Variants in SPTBN1 observed in about 807,000 individuals in gnomAD.
SPTBN1 encodes spectrin beta, non-erythrocytic 1.
A neutral mutation model predicts 266.4 loss-of-function variants in SPTBN1; 32 were observed. The ratio of observed to expected loss-of-function variants is 0.12; its 90% confidence interval spans 0.09 to 0.16. The LOEUF (loss-of-function observed/expected upper bound fraction) is 0.16, where lower values mean the gene tolerates loss of function less well. Among genes scored for constraint, SPTBN1 ranks in the 10% least tolerant of loss-of-function variants. The probability of loss-of-function intolerance (pLI) is 1.00; values close to 1 mark genes in which losing one functional copy is unlikely to be tolerated. For missense variants in SPTBN1, 2,296 were observed against 3,067.1 expected, an observed-to-expected ratio of 0.75 and a Z score of 5.94; for synonymous variants, 1,336 against 1,162.2, an observed-to-expected ratio of 1.15 and a Z score of -3.04.
At chr2:54,557,915 G>T in intron 2 of SPTBN1, 1 of 985,354 alleles carries the variant, frequency 1.0e-6, no homozygotes, top group Non-Finnish European at 1.2e-6. Context: ...CCGCCGCCGC[G>T]TGGTTGGCGC....
At chr2:54,560,814 C>CT in intron 2 of SPTBN1, among the ~76,000 whole-genome samples, 1 of 152,276 alleles carries the variant, frequency 6.6e-6, no homozygotes, top group East Asian at 1.9e-4. Flanking sequence ...GGTGAATTAA[C>CT]TTTCAAGTAT....
rs56043354 is a variant in SPTBN1 at position 54,471,800 on chromosome 2, A to AT, written c.-48+15301dup. On this transcript the variant is annotated intron_variant, in intron 1 of 35. Transcript: ENST00000356805. ...AGAGGTGCTTTCCTCTTTTTTATCG[A>AT]TTTTTTTTTTTTTTTTTTTGCTGTT... Among the ~76,000 whole-genome samples, 425 of 102,706 alleles carry AT rather than the reference A, an allele frequency of 4.1e-3. 9 individuals carry two copies. Among genetic ancestry groups the AT allele is most frequent in the African/African-American group, 0.013 (363 of 27,270 alleles). The allele number at this position is 102,706 out of a possible 152,430, so 67.4% of individuals were successfully genotyped here. A position where few individuals can be genotyped will look rare whatever the true frequency, so the allele number is the denominator to read the frequency against.
intron 2 of SPTBN1, among the ~76,000 whole-genome samples, chr2:54,545,930 T>A (rs1672210981): frequency 6.6e-6 from 1 of 152,160 alleles, no homozygotes; most frequent in Admixed American, 6.6e-5. Context: ...TGTGTATTGG[T>A]ACAGGGATGA....
At chr2:54,652,885 CTTT>C (rs1680390310) in intron 26 of SPTBN1, 2 of 150,338 alleles carry the variant, frequency 1.3e-5, no homozygotes, top group Non-Finnish European at 2.9e-5. Context: ...TCTTTTCTTT[CTTT>C]CTTTCTTTCT....
chr2:54,490,991 G>A (rs371841144), intron 1 of SPTBN1, among the ~76,000 whole-genome samples: 1 of 152,170 alleles, frequency 6.6e-6, no homozygotes, highest in Non-Finnish European at 1.5e-5. Context: ...AGTGAGGAGG[G>A]TGGTGAAACA....
intron 2 of SPTBN1, among the ~76,000 whole-genome samples, chr2:54,530,902 C>G (rs1398348758): frequency 6.6e-6 from 1 of 152,050 alleles, no homozygotes; most frequent in Non-Finnish European, 1.5e-5. Flanking sequence ...GGGATAGTCT[C>G]CCATCCCTAG....
intron 2 of SPTBN1, among the ~76,000 whole-genome samples, chr2:54,575,327 C>T (rs1466534099): frequency 1.3e-5 from 2 of 152,172 alleles, no homozygotes; most frequent in African/African-American, 4.8e-5. Context: ...TTTTCTGCAA[C>T]TCCAGAGGAT....
chr2:54,598,051 T>A (rs1676219271), intron 2 of SPTBN1, among the ~76,000 whole-genome samples: 3 of 152,128 alleles, frequency 2.0e-5, no homozygotes, highest in Admixed American at 2.0e-4. Flanking sequence ...GTTCTGTGGA[T>A]GTCTGTTGAA....
Position 54,628,175 on chromosome 2 carries a change from G to A in SPTBN1, c.1723G>A (p.Ala575Thr). The A allele has an allele frequency of 6.2e-7, 1 of 1,614,132 alleles. No individual in the cohort carries two copies. Among genetic ancestry groups the A allele is most frequent in the Non-Finnish European group, 8.5e-7 (1 of 1,179,994 alleles). The part of the protein sequence containing the change: ...DLLQKHTLVE[A>T]DIGIQAERVR... ...GTTACAGAAGCACACCCTGGTTGAA[G>A]CAGACATTGGCATCCAGGCAGAGCG... Residue 575 changes from alanine to threonine, a missense_variant, in exon 13 of 36, where the codon GCA becomes ACA. Transcript: ENST00000356805. This position sits in a 1 kb window ranked among gnomAD's most constrained non-coding sequence, Gnocchi z 4.3.
At chr2:54,616,496 T>A (rs981777894) in intron 5 of SPTBN1, among the ~76,000 whole-genome samples, 198 bp downstream of exon 5, 1 of 152,250 alleles carries the variant, frequency 6.6e-6, no homozygotes, top group Non-Finnish European at 1.5e-5. Context: ...AGACCTGTCA[T>A]GTCTTCATAA....
chr2:54,520,084 G>A (rs1670347114), intron 1 of SPTBN1, among the ~76,000 whole-genome samples: 1 of 152,180 alleles, frequency 6.6e-6, no homozygotes, highest in African/African-American at 2.4e-5. Context: ...AGACAGAGAA[G>A]TGGATGATGT....
chr2:54,610,272 G>T (rs1677124912), intron 3 of SPTBN1, among the ~76,000 whole-genome samples: 1 of 152,148 alleles, frequency 6.6e-6, no homozygotes, highest in South Asian at 2.1e-4. Flanking sequence ...ATCCTTTGCT[G>T]GTGTTACATT....
At chr2:54,485,539 T>G (rs1668317790) in intron 1 of SPTBN1, among the ~76,000 whole-genome samples, 1 of 152,160 alleles carries the variant, frequency 6.6e-6, no homozygotes, top group South Asian at 2.1e-4. Context: ...CTCGGCTGGC[T>G]ACAACCTCCA....
rs373748342 is a variant in SPTBN1 at position 54,465,979 on chromosome 2, G to C, written c.-48+9461G>C. Among the ~76,000 whole-genome samples the C allele has an allele frequency of 1.3e-3, 200 of 152,238 alleles. 5 individuals are homozygous for C. The South Asian group carries it at 0.039, about 30-fold the overall frequency. On this transcript the variant is annotated intron_variant, in intron 1 of 35. Transcript: ENST00000356805. ...TTTAACTGAGTGGTTGTTTGAAGAAGCTTTCAGGATTAATTGTGCTTTGAC... is the reference window on the plus strand; with the variant it reads ...TTTAACTGAGTGGTTGTTTGAAGAACCTTTCAGGATTAATTGTGCTTTGAC...
chr2:54,655,325 T>A (rs931821815), intron 28 of SPTBN1, 117 bp downstream of exon 28: 1 of 1,336,654 alleles, frequency 7.5e-7, no homozygotes, highest in Non-Finnish European at 1.0e-6. Context: ...CACACACATA[T>A]GTTTTAAAAC....
intron 2 of SPTBN1, among the ~76,000 whole-genome samples, chr2:54,563,206 C>G (rs983374108): frequency 2.0e-4 from 30 of 152,130 alleles, no homozygotes; most frequent in Non-Finnish European, 4.4e-4. Context: ...AACCTGGTTC[C>G]CTCTCCTGCC....
chr2:54,537,959 C>T (rs944983541), intron 2 of SPTBN1, among the ~76,000 whole-genome samples: 1 of 152,200 alleles, frequency 6.6e-6, no homozygotes, highest in Non-Finnish European at 1.5e-5. Context: ...GCAGCTCTCC[C>T]TGGAACCACA....
At chr2:54,662,655 C>G (rs1681124754) in intron 32 of SPTBN1, 1 of 152,220 alleles carries the variant, frequency 6.6e-6, no homozygotes, top group Non-Finnish European at 1.5e-5. Flanking sequence ...CAAACTCATA[C>G]TTCCTCCTCA....
intron 3 of SPTBN1, among the ~76,000 whole-genome samples, chr2:54,606,841 C>T (rs948357989): frequency 1.3e-5 from 2 of 152,160 alleles, no homozygotes; most frequent in Admixed American, 6.5e-5. Context: ...AGGAGGCTGA[C>T]GGGTGTACCG....
Sources: gnomAD v4.1 joint callset for allele counts (sites outside exome capture counted in the v4.1 genomes callset) on GRCh38, gnomAD v4.1.1 for gene constraint, Gnocchi (gnomAD v3.1) non-coding constraint, MANE v1.5 for transcripts, NCBI Gene and HGNC (gene_info 2026-07-23, HGNC 2026-07-21) for gene names.